Variants in EIPR1 observed in about 807,000 individuals in gnomAD.
The protein encoded by EIPR1 is EARP and GARP complex-interacting protein 1.
In EIPR1, 25 loss-of-function variants were observed where a neutral mutation model predicts 48.1. The ratio of observed to expected loss-of-function variants is 0.52; its 90% confidence interval spans 0.38 to 0.73. The LOEUF (loss-of-function observed/expected upper bound fraction) is 0.73. EIPR1 is among the 30% of genes least tolerant of loss of function. The pLI, the probability that EIPR1 is intolerant of heterozygous loss-of-function variation, is 0.00. For synonymous variants in EIPR1, 204 were observed against 201.9 expected (o/e 1.01, Z -0.09); for missense variants, 415 against 506.2 (o/e 0.82, Z 1.73).
chr2:3,209,068 G>A, intron 5 of EIPR1: 1 of 1,431,726 alleles, frequency 7.0e-7, no homozygotes, highest in East Asian at 2.5e-5. Flanking sequence ...TGGTGGGAAG[G>A]CAGGGTGTAC....
chr2:3,375,839 G>A (rs951596385), intron 1 of EIPR1, among the ~76,000 whole-genome samples: 62 of 152,224 alleles, frequency 4.1e-4, no homozygotes, highest in African/African-American at 1.5e-3. Context: ...TAAGCAGAGT[G>A]TCTGACACAT....
rs539796781 is a variant in EIPR1 at position 3,283,179 on chromosome 2, C to T, written c.260-25724G>A. 4.6e-5 allele frequency among the ~76,000 whole-genome samples: 7 copies of T among 152,314 alleles called. No individual in the cohort carries two copies. The East Asian group carries it at 1.4e-3, about 29-fold the overall frequency. ...GCCAGCTGCCCCAACCCTTGGCTCC[C>T]ACTGCCATCACAGTGATGAGGCTCT... On this transcript the variant is annotated intron_variant, in intron 3 of 8. Coordinates refer to ENST00000382125, the MANE Select transcript of EIPR1 (RefSeq NM_003310.5).
At chr2:3,288,283 T>TA (rs1668267638) in intron 3 of EIPR1, among the ~76,000 whole-genome samples, 1 of 152,204 alleles carries the variant, frequency 6.6e-6, no homozygotes, top group African/African-American at 2.4e-5. Context: ...GCCACCCTCA[T>TA]ACCTCATTGA....
chr2:3,277,967 C>G (rs1407115343), intron 3 of EIPR1, among the ~76,000 whole-genome samples: 1 of 152,220 alleles, frequency 6.6e-6, no homozygotes, highest in Non-Finnish European at 1.5e-5. Context: ...ACAAGCCAGT[C>G]AGGGCTGCAC....
At chr2:3,207,491 C>T (rs1665278751) in intron 5 of EIPR1, among the ~76,000 whole-genome samples, 1 of 152,216 alleles carries the variant, frequency 6.6e-6, no homozygotes. Flanking sequence ...ATACTGCAGG[C>T]CCTATAACCG....
intron 1 of EIPR1, among the ~76,000 whole-genome samples, chr2:3,357,748 T>C (rs986239882): frequency 2.0e-5 from 3 of 152,212 alleles, no homozygotes; most frequent in African/African-American, 7.2e-5. Context: ...GCTGCCCAAT[T>C]CACGAATTGA....
chr2:3,349,172 C>T (rs1670493765), intron 2 of EIPR1, among the ~76,000 whole-genome samples: 1 of 152,252 alleles, frequency 6.6e-6, no homozygotes, highest in African/African-American at 2.4e-5. Context: ...GGGAAGCGAG[C>T]AGAGAGAGGC....
Position 3,240,648 on chromosome 2 carries a change from A to AAGCCAGCAGACTCTTCCTCAGGAAC in EIPR1, c.416+16650_416+16651insGTTCCTGAGGAAGAGTCTGCTGGCT, listed in dbSNP as rs1553286172. Among the ~76,000 whole-genome samples, 16 of 22,046 alleles carry AAGCCAGCAGACTCTTCCTCAGGAAC rather than the reference A, an allele frequency of 7.3e-4. 5 individuals carry two copies. The highest frequency in any genetic ancestry group is 1.5e-3 in the African/African-American group (10 of 6,622). 14.5% of individuals were successfully genotyped at this position (22,046 alleles called of 152,430 possible). ...AAGCCAGCAGATCCCTCCTAAAGAA[A>AAGCCAGCAGACTCTTCCTCAGGAAC]AGCCAGCAGATCCTTCCTCAAGAAC... On this transcript the variant is annotated intron_variant, in intron 4 of 8. Coordinates refer to ENST00000382125, the MANE Select transcript of EIPR1 (RefSeq NM_003310.5).
intron 4 of EIPR1, among the ~76,000 whole-genome samples, chr2:3,234,604 A>G (rs1036271963): frequency 1.3e-4 from 20 of 152,250 alleles, no homozygotes; most frequent in African/African-American, 4.8e-4. Flanking sequence ...GGGGAAAAAG[A>G]AAGTCTCATC....
chr2:3,355,191 C>G (rs1422612169), intron 1 of EIPR1, among the ~76,000 whole-genome samples: 2 of 152,204 alleles, frequency 1.3e-5, no homozygotes, highest in African/African-American at 4.8e-5. Flanking sequence ...ACCTGCCAGT[C>G]TGGAAAGCCT....
At chr2:3,297,553 G>A (rs1313526537) in intron 3 of EIPR1, among the ~76,000 whole-genome samples, 3 of 152,264 alleles carry the variant, frequency 2.0e-5, no homozygotes, top group Admixed American at 6.5e-5. Context: ...AGGGGAAACA[G>A]CCAGGTTCTC....
chr2:3,210,556 G>A (rs907139140), intron 5 of EIPR1, among the ~76,000 whole-genome samples: 17 of 151,998 alleles, frequency 1.1e-4, no homozygotes, highest in Admixed American at 5.2e-4. Flanking sequence ...ATCCGCAGGC[G>A]AGTCGAGGAG....
intron 4 of EIPR1, among the ~76,000 whole-genome samples, chr2:3,254,608 G>A (rs918708893): frequency 7.2e-5 from 11 of 152,228 alleles, no homozygotes. Context: ...AGTTATTAAA[G>A]GTTACACTGT....
chr2:3,374,275 C>T (rs1659797669), intron 1 of EIPR1, among the ~76,000 whole-genome samples: 1 of 152,006 alleles, frequency 6.6e-6, no homozygotes, highest in Non-Finnish European at 1.5e-5. Context: ...CCATAAGAAC[C>T]CTAGAAGAAA....
At chr2:3,200,952 A>T (rs1188008430) in intron 5 of EIPR1, among the ~76,000 whole-genome samples, 1 of 152,166 alleles carries the variant, frequency 6.6e-6, no homozygotes. Context: ...GGCACTCCGC[A>T]TGGTGACGGC....
rs377030390 is a variant in EIPR1, at chr2:3,254,696, G to A, written c.416+2603C>T. ...CAGATTCGGGGTGGCCAGGGGCTAA[G>A]GCCTTGGAGGCGGAAGGGAGGTGGC... On this transcript the variant is annotated intron_variant, in intron 4 of 8. Coordinates refer to ENST00000382125, the MANE Select transcript of EIPR1 (RefSeq NM_003310.5). Among the ~76,000 whole-genome samples, 101 of 152,372 alleles carry A rather than the reference G, an allele frequency of 6.6e-4. 1 individual carries two copies. The highest frequency in any genetic ancestry group is 2.3e-3 in the African/African-American group (94 of 41,590).
At chr2:3,358,229 G>A (rs1670775106) in intron 1 of EIPR1, among the ~76,000 whole-genome samples, 1 of 152,150 alleles carries the variant, frequency 6.6e-6, no homozygotes, top group African/African-American at 2.4e-5. Flanking sequence ...CGGTTGCCCT[G>A]ACCATTTAGT....
At chr2:3,231,546 G>T (rs1450008280) in intron 4 of EIPR1, among the ~76,000 whole-genome samples, 1 of 152,176 alleles carries the variant, frequency 6.6e-6, no homozygotes, top group Non-Finnish European at 1.5e-5. Flanking sequence ...TTTTTATCAT[G>T]AAAAGATGTT....
intron 4 of EIPR1, among the ~76,000 whole-genome samples, chr2:3,234,492 A>G (rs1666337456): frequency 6.6e-6 from 1 of 152,156 alleles, no homozygotes; most frequent in South Asian, 2.1e-4. Context: ...CTGTGTCACG[A>G]CGCTCCACAC....
Sources: gnomAD v4.1 joint callset for allele counts (sites outside exome capture counted in the v4.1 genomes callset) on GRCh38, gnomAD v4.1.1 for gene constraint, MANE v1.5 for transcripts, NCBI Gene and HGNC (gene_info 2026-07-23, HGNC 2026-07-21) for gene names.